MROH2A: variants seen among roughly 807,000 people sequenced by gnomAD.
MROH2A encodes maestro heat like repeat family member 2A.
In MROH2A, 174 loss-of-function variants were observed where a neutral mutation model predicts 200.4. The observed-to-expected ratio is 0.87, with a 90% CI of 0.77 to 0.98. The LOEUF is 0.98. Ranked by LOEUF, MROH2A falls within the 50% of genes least tolerant of loss-of-function variation. The probability of loss-of-function intolerance (pLI) is 0.00; values close to 1 mark genes in which losing one functional copy is unlikely to be tolerated. For synonymous variants in MROH2A, 829 were observed against 840.4 expected (o/e 0.99, Z 0.23); for missense variants, 2,045 against 2,139.6 (o/e 0.96, Z 0.87).
intron 3 of MROH2A, among the ~76,000 whole-genome samples, chr2:233,787,448 C>T (rs1163742656): frequency 8.0e-6 from 1 of 125,110 alleles, no homozygotes; most frequent in African/African-American, 3.1e-5. Flanking sequence ...TATACATATA[C>T]ATATATATTA....
At chr2:233,810,311 G>A (rs371528771) in intron 22 of MROH2A, among the ~76,000 whole-genome samples, 2 of 152,210 alleles carry the variant, frequency 1.3e-5, no homozygotes, top group African/African-American at 2.4e-5. Context: ...GAATCATGGC[G>A]GGAGACAAAA....
In MROH2A at chr2:233,818,687, C is replaced by G. The variant is rs719418; in HGVS notation, c.3121C>G (p.Gln1041Glu). The G allele has an allele frequency of 0.069, 106,376 of 1,548,926 alleles. 16,405 individuals carry two copies. Among genetic ancestry groups the G allele is most frequent in the African/African-American group, 0.5 (36,237 of 72,818 alleles). Reference protein sequence around the residue: ...QTCSLWGPSKQKELEKCKGDL... With the variant: ...QTCSLWGPSKEKELEKCKGDL... ...CTGCTCCTTGTGGGGCCCTTCCAAG[C>G]AGAAGGAGCTTGAGAAATGTAAGGG... Residue 1041 changes from glutamine (Q) to glutamate (E), a missense_variant, in exon 29 of 42, where the codon CAG becomes GAG. Gln to Glu is a conservative substitution (Grantham distance 29). Transcript: ENST00000389758.
intron 3 of MROH2A, among the ~76,000 whole-genome samples, chr2:233,788,183 T>TGGG (rs1325165747): frequency 8.0e-4 from 99 of 123,258 alleles, no homozygotes; most frequent in Admixed American, 1.5e-3. Flanking sequence ...ATATTATATA[T>TGGG]ATACACACAC....
intron 6 of MROH2A, 120 bp from the exon 7 acceptor site, chr2:233,793,553 G>A (rs1471319543): frequency 2.5e-5 from 24 of 953,818 alleles, no homozygotes; most frequent in South Asian, 1.0e-4. Flanking sequence ...GAAGGGCAGG[G>A]TGCAGCCTGC....
rs1465845513 is a variant in MROH2A at position 233,779,529 on chromosome 2, T to A, written c.94+77T>A. ...TCTTTGACTGCAGCCCCAGCCTAGG[T>A]CTCCCTTTCTCCATCTGCACAGTGG... is the stretch of plus-strand genomic sequence containing the variant. On this transcript the variant is annotated intron_variant, in intron 2 of 41. Coordinates refer to ENST00000389758, the MANE Select transcript of MROH2A (RefSeq NM_001394639.1). 3 of 1,392,510 alleles carry A rather than the reference T, an allele frequency of 2.2e-6. No homozygotes were observed. In the African/African-American group the frequency reaches 4.3e-5, roughly 20 times the overall value. The allele number at this position is 1,392,510 out of a possible 1,614,324, so 86.3% of individuals were successfully genotyped here. A position where few individuals can be genotyped will look rare whatever the true frequency, so the allele number is the denominator to read the frequency against.
At chr2:233,805,228 C>A in intron 19 of MROH2A, 117 bp downstream of exon 19, 1 of 659,048 alleles carries the variant, frequency 1.5e-6, no homozygotes, top group African/African-American at 1.8e-5. Flanking sequence ...TTTACAGGGT[C>A]CTGGGAGGAG....
At position 233,793,736 on chromosome 2, in the gene MROH2A, C is replaced by T; in HGVS notation, c.734C>T (p.Pro245Leu). ...YLKHLEESVY[P>L]VMTEEEFALK... is the part of the protein sequence containing the mutation. ...AAGCACCTGGAGGAGAGCGTGTACC[C>T]CGTGATGACTGAGGAGGAGTTTGCC... is the stretch of plus-strand genomic sequence containing the variant. The change falls in exon 7 of 42, where the codon CCC (proline) becomes CTC (leucine). Residue 245 changes from proline (P) to leucine (L), a missense_variant. By Grantham distance (98) the Pro-to-Leu change is moderately conservative. This residue lies in a region of MROH2A where 831 missense variants were observed against 800.0 expected (regional missense o/e 1.04). Transcript: ENST00000389758. The T allele has an allele frequency of 6.7e-7, 1 of 1,496,942 alleles. No individual in the cohort carries two copies. The highest frequency in any genetic ancestry group is 8.9e-7 in the Non-Finnish European group (1 of 1,120,572). 92.7% of individuals were successfully genotyped at this position (1,496,942 alleles called of 1,614,324 possible).
At position 233,787,604 on chromosome 2, in the gene MROH2A, T is replaced by C. The variant is rs34303087; in HGVS notation, c.277-1893T>C. On this transcript the variant is annotated intron_variant, in intron 3 of 41. Transcript: ENST00000389758. ...ATATATACATATATATATTATATAT[T>C]ATATATATCATATATACATATATAT... Among the ~76,000 whole-genome samples the C allele has an allele frequency of 4.8e-3, 298 of 62,648 alleles. 37 individuals carry two copies. Among genetic ancestry groups the C allele is most frequent in the Non-Finnish European group, 6.4e-3 (226 of 35,506 alleles). The allele number at this position is 62,648 out of a possible 152,430, so 41.1% of individuals were successfully genotyped here. A position where few individuals can be genotyped will look rare whatever the true frequency, so the allele number is the denominator to read the frequency against.
In MROH2A at chr2:233,828,919, GA is replaced by G; in HGVS notation, c.4295del (p.Lys1432SerfsTer6). The G allele has an allele frequency of 6.4e-7, 1 of 1,550,510 alleles. No homozygotes were observed. On this transcript the variant is annotated frameshift_variant, in exon 37 of 42. Coordinates refer to ENST00000389758, the MANE Select transcript of MROH2A (RefSeq NM_001394639.1). LOFTEE classifies it high-confidence loss of function. This position sits in a 1 kb window ranked among gnomAD's most constrained non-coding sequence, Gnocchi z 4.6. The stretch of plus-strand genomic sequence containing the variant: ...AGCAGTACCGGAAGGTCTTGCTGGA[GA>G]AGTGCCTGGGCCCCCTGAGGGAGCC... ...VKQYRKVLLE[K>X]CLGPLREPVS...
chr2:233,813,689 T>A lies in MROH2A; in HGVS notation c.2671T>A (p.Ser891Thr), dbSNP rs1056268798. ...SHLSKLKPFYSTEENSELMDI... is the reference protein window; with the variant it reads ...SHLSKLKPFYTTEENSELMDI... ...CTCCAGCAAGCTGAAGCCTTTCTAC[T>A]CCACAGAGGAAAACAGTGAGCTGAT... is the stretch of plus-strand genomic sequence containing the variant. Residue 891 changes from serine to threonine, a missense_variant, in exon 25 of 42, where the codon TCC becomes ACC. By Grantham distance (58) the Ser-to-Thr change is moderately conservative. This residue lies in a region of MROH2A where 1,201 missense variants were observed against 1,311.3 expected (regional missense o/e 0.92). Coordinates refer to ENST00000389758, the MANE Select transcript of MROH2A (RefSeq NM_001394639.1). 5.2e-6 allele frequency: 8 copies of A among 1,549,238 alleles called. No homozygotes were observed. In the Admixed American group the frequency reaches 1.4e-4, roughly 27 times the overall value.
rs1205359512 is a variant in MROH2A at position 233,822,407 on chromosome 2, T to C, written c.3717T>C (p.Asn1239=). Reference sequence around the variant, plus strand: ...TTCTCATTCAGAAGCTGGATGAGAATGACAAGCTCCCGGACTTCCTCCCTG... The same window carrying C: ...TTCTCATTCAGAAGCTGGATGAGAACGACAAGCTCCCGGACTTCCTCCCTG... ...IHLLIQKLDE[N]DKLPDFLPDL... Residue 1239 remains asparagine (N), a synonymous_variant, in exon 33 of 42, where the codon AAT becomes AAC. Transcript: ENST00000389758. 3 of 1,550,940 alleles carry C rather than the reference T, an allele frequency of 1.9e-6. No homozygotes were observed. The highest frequency in any genetic ancestry group is 2.0e-5 in the Admixed American group (1 of 50,984).
intron 37 of MROH2A, 118 bp from the exon 38 acceptor site, chr2:233,829,502 C>G (rs1238993333): frequency 1.1e-5 from 11 of 1,015,216 alleles, no homozygotes; most frequent in Non-Finnish European, 1.5e-5. Flanking sequence ...TACACCCTGA[C>G]GGAATGATCC....
chr2:233,824,376 C>G (rs548936867), intron 35 of MROH2A, among the ~76,000 whole-genome samples: 1 of 152,332 alleles, frequency 6.6e-6, no homozygotes, highest in South Asian at 2.1e-4. Flanking sequence ...CCTGGAAGTA[C>G]AAGACCAGTC....
chr2:233,831,640 G>A, intron 39 of MROH2A, 100 bp downstream of exon 39: 1 of 1,324,688 alleles, frequency 7.5e-7, no homozygotes, highest in Non-Finnish European at 1.0e-6. Flanking sequence ...GGGGCCCTAT[G>A]TTTACCTTCC....
intron 41 of MROH2A, 120 bp downstream of exon 41, chr2:233,832,764 G>A: frequency 1.6e-6 from 1 of 635,388 alleles, no homozygotes; most frequent in Non-Finnish European, 2.8e-6. Flanking sequence ...TCGGGGGGGT[G>A]GGAGTGCAAC....
intron 24 of MROH2A, among the ~76,000 whole-genome samples, chr2:233,812,798 G>A (rs6431635): frequency 0.7 from 106,633 of 152,126 alleles, 37,692 homozygotes; most frequent in East Asian, 0.9. Context: ...AAAGCAACTC[G>A]GTTTATACAA....
intron 4 of MROH2A, 91 bp from the exon 5 acceptor site, chr2:233,789,761 C>T: frequency 6.7e-7 from 1 of 1,482,688 alleles, no homozygotes; most frequent in Middle Eastern, 2.4e-4. Context: ...CCCAAGGGAA[C>T]CAGGAGGGGT....
Position 233,804,501 on chromosome 2 carries a change from C to T in MROH2A, c.1898C>T (p.Thr633Ile). ...CATACATGTGTTCCTGCAGAACATACTGAGTTCACTTGGGATCAGAAAGCC... is the reference window on the plus strand; with the variant it reads ...CATACATGTGTTCCTGCAGAACATATTGAGTTCACTTGGGATCAGAAAGCC... The part of the protein sequence containing the change: ...ALLVRYLEEH[T>I]EFTWDQKAWE... Residue 633 changes from threonine to isoleucine, a missense_variant, in exon 18 of 42, where the codon ACT (threonine) becomes ATT (isoleucine). Physicochemically the swap from Thr to Ile is moderately conservative, Grantham distance 89. Around this residue, in one of 3 missense-constraint regions of MROH2A, gnomAD observed 13 missense variants for 28.3 expected, o/e 0.46. Transcript: ENST00000389758. 6.4e-7 allele frequency: 1 copy of T among 1,551,236 alleles called. No homozygotes were observed. The highest frequency in any genetic ancestry group is 2.4e-5 in the East Asian group (1 of 40,926).
chr2:233,789,984 A>G lies in MROH2A; in HGVS notation c.541A>G (p.Ile181Val), dbSNP rs1167285307. The G allele has an allele frequency of 1.9e-6, 3 of 1,550,172 alleles. No homozygotes were observed. Among genetic ancestry groups the G allele is most frequent in the African/African-American group, 2.7e-5 (2 of 73,032 alleles). Residue 181 changes from isoleucine (I) to valine (V), a missense_variant, in exon 5 of 42, where the codon ATC becomes GTC. This residue lies in a region of MROH2A where 831 missense variants were observed against 800.0 expected (regional missense o/e 1.04). Coordinates refer to ENST00000389758, the MANE Select transcript of MROH2A (RefSeq NM_001394639.1). Reference sequence around the variant, plus strand: ...CAACCTCACTGATGAATTTGTCATCATCACACTGGCCAAGCTGGCCAACGG... The same window carrying G: ...CAACCTCACTGATGAATTTGTCATCGTCACACTGGCCAAGCTGGCCAACGG... ...PLNLTDEFVI[I>V]TLAKLANGNV...
Sources: gnomAD v4.1 joint callset for allele counts (sites outside exome capture counted in the v4.1 genomes callset) on GRCh38, gnomAD v4.1.1 for gene constraint, gnomAD v4.1.1 regional missense constraint, Gnocchi (gnomAD v3.1) non-coding constraint, MANE v1.5 for transcripts, NCBI Gene and HGNC (gene_info 2026-07-23, HGNC 2026-07-21) for gene names.